Variants in MYT1L observed in about 807,000 individuals in gnomAD.
MYT1L encodes the protein myelin transcription factor 1-like protein.
MYT1L carries 12 observed loss-of-function variants against 126.7 expected under a neutral mutation model. That is an observed-to-expected ratio of 0.09 (90% CI 0.06 to 0.15). MYT1L has a LOEUF of 0.15. MYT1L is among the 10% of genes least tolerant of loss of function. MYT1L has a pLI of 1.00. For synonymous variants in MYT1L, 541 were observed against 604.2 expected (o/e 0.90, Z 1.53); for missense variants, 979 against 1,585.2 (o/e 0.62, Z 6.49).
intron 3 of MYT1L, among the ~76,000 whole-genome samples, chr2:2,118,336 T>A (rs967131921): frequency 1.3e-5 from 2 of 152,282 alleles, no homozygotes; most frequent in South Asian, 2.1e-4. Context: ...ATAAAACAAC[T>A]GAGATAATCC....
chr2:2,098,876 GTGGGGTC>G, intron 3 of MYT1L, among the ~76,000 whole-genome samples: 1 of 152,178 alleles, frequency 6.6e-6, no homozygotes, highest in African/African-American at 2.4e-5. Flanking sequence ...AAGATAGGTG[GTGGGGTC>G]TGCAGTGACC....
At chr2:2,175,049 T>C (rs972485654) in intron 2 of MYT1L, among the ~76,000 whole-genome samples, 11 of 152,210 alleles carry the variant, frequency 7.2e-5, no homozygotes, top group Middle Eastern at 3.4e-3. Context: ...CTCCTTTCTA[T>C]GTGTGTTGTA....
At chr2:2,214,479 GA>G (rs938406497) in intron 2 of MYT1L, among the ~76,000 whole-genome samples, 29 of 151,898 alleles carry the variant, frequency 1.9e-4, no homozygotes, top group African/African-American at 6.3e-4. Context: ...AGATAATAGG[GA>G]AAAAAAGGTG....
intron 1 of MYT1L, among the ~76,000 whole-genome samples, chr2:2,315,283 C>T (rs1434986461): frequency 6.6e-6 from 1 of 151,908 alleles, no homozygotes; most frequent in Non-Finnish European, 1.5e-5. Context: ...TACAGACATT[C>T]AGTAAATAAG....
chr2:2,216,059 C>T (rs1405365013), intron 2 of MYT1L, among the ~76,000 whole-genome samples: 1 of 95,012 alleles, frequency 1.1e-5, no homozygotes, highest in African/African-American at 4.8e-5. Context: ...CTCTCTCTCT[C>T]TCTCTCAGTT....
At chr2:2,249,261 C>A (rs116376878) in intron 2 of MYT1L, among the ~76,000 whole-genome samples, 1 of 151,686 alleles carries the variant, frequency 6.6e-6, no homozygotes, top group African/African-American at 2.4e-5. Flanking sequence ...GAAAAGTAAT[C>A]CCACTCACTG....
chr2:2,105,823 T>C (rs778765254), intron 3 of MYT1L, among the ~76,000 whole-genome samples: 15 of 152,178 alleles, frequency 9.9e-5, no homozygotes, highest in Non-Finnish European at 2.1e-4. Context: ...TGAAACAGCA[T>C]GGAATCAAAA....
rs7425544 is a variant in MYT1L at position 1,840,880 on chromosome 2, C to G, written c.2775-37G>C. ...ACACATTTCAGAAAGCACCCCACACCGTTGATTTCAGTGAGCTTTCTTTCT... is the reference window on the plus strand; with the variant it reads ...ACACATTTCAGAAAGCACCCCACACGGTTGATTTCAGTGAGCTTTCTTTCT... On this transcript the variant is annotated intron_variant, in intron 19 of 24. Transcript: ENST00000647738. The G allele has an allele frequency of 2.3e-5, 29 of 1,241,704 alleles. No homozygotes were observed. The East Asian group carries it at 5.2e-4, about 22-fold the overall frequency. The allele number at this position is 1,241,704 out of a possible 1,614,324, so 76.9% of individuals were successfully genotyped here.
At chr2:1,810,537 G>A (rs546336235) in intron 21 of MYT1L, among the ~76,000 whole-genome samples, 21 of 152,278 alleles carry the variant, frequency 1.4e-4, no homozygotes, top group Admixed American at 5.2e-4. Flanking sequence ...GACCGTGTCC[G>A]TAAGTGGTGT....
chr2:1,808,846 T>C (rs754882895), intron 22 of MYT1L, among the ~76,000 whole-genome samples: 4 of 152,182 alleles, frequency 2.6e-5, no homozygotes, highest in Non-Finnish European at 5.9e-5. Flanking sequence ...CCTCAGGACT[T>C]GGGCTCATGA....
At chr2:2,323,243 C>T (rs542340899) in intron 1 of MYT1L, among the ~76,000 whole-genome samples, 20 of 152,010 alleles carry the variant, frequency 1.3e-4, no homozygotes, top group Middle Eastern at 3.4e-3. Context: ...ATTTTCCCCT[C>T]CCCCCAAAAG....
chr2:2,172,013 A>C (rs1287563524), intron 3 of MYT1L, among the ~76,000 whole-genome samples: 3 of 152,198 alleles, frequency 2.0e-5, no homozygotes, highest in Non-Finnish European at 4.4e-5. Context: ...TCTGCTATTC[A>C]TCAGAGTAAC....
Position 1,886,590 on chromosome 2 carries a change from A to AG in MYT1L, c.2659dup (p.Leu887ProfsTer25). 1.9e-6 allele frequency: 3 copies of AG among 1,583,396 alleles called. No homozygotes were observed. The highest frequency in any genetic ancestry group is 2.3e-5 in the East Asian group (1 of 42,828). On this transcript the variant is annotated frameshift_variant, in exon 18 of 25. Coordinates refer to ENST00000647738, the MANE Select transcript of MYT1L (RefSeq NM_001303052.2). LOFTEE classifies it high-confidence loss of function. The stretch of plus-strand genomic sequence containing the variant: ...CATACTTCGAATGCTTTTGTCCGCC[A>AG]GGGGGCAGCCAGACAGACTGTAAGA...
chr2:1,796,936 T>A (rs2033660872), intron 23 of MYT1L, among the ~76,000 whole-genome samples: 2 of 150,670 alleles, frequency 1.3e-5, no homozygotes, highest in African/African-American at 4.8e-5. Flanking sequence ...GGCAGTTTTG[T>A]TTTTTTCCGG....
intron 9 of MYT1L, among the ~76,000 whole-genome samples, chr2:1,925,044 T>A (rs1276097246): frequency 6.6e-6 from 1 of 152,156 alleles, no homozygotes; most frequent in African/African-American, 2.4e-5. Flanking sequence ...AGGTAAGTTT[T>A]AACAGCCAGA....
intron 21 of MYT1L, among the ~76,000 whole-genome samples, chr2:1,835,732 G>T (rs1235033557): frequency 6.6e-6 from 1 of 152,172 alleles, no homozygotes; most frequent in Non-Finnish European, 1.5e-5. Context: ...ACACAGGGAG[G>T]TCCCCTTTCC....
chr2:2,017,905 T>C (rs2064602201), intron 4 of MYT1L, among the ~76,000 whole-genome samples: 1 of 152,210 alleles, frequency 6.6e-6, no homozygotes, highest in South Asian at 2.1e-4. Context: ...GTTGTTTTTA[T>C]TTAAGTACCT....
At chr2:2,321,619 A>T (rs567440643) in intron 1 of MYT1L, among the ~76,000 whole-genome samples, 1 of 152,148 alleles carries the variant, frequency 6.6e-6, no homozygotes, top group South Asian at 2.1e-4. Flanking sequence ...CACACTATGC[A>T]TTTAGGTTGA....
Position 1,839,232 on chromosome 2 carries a change from C to A in MYT1L, c.2997G>T (p.Ser999=). ...GGCAGGACATGCCTTCCGTCTTGAC[C>A]GACTTCCAGGAGAACTGGGAGCCAT... ...YLNGSQFSWK[S]VKTEGMSCPT... The change falls in exon 21 of 25, where the codon TCG becomes TCT. Residue 999 remains serine, a synonymous_variant. Transcript: ENST00000647738. 6.2e-7 allele frequency: 1 copy of A among 1,613,724 alleles called. No individual in the cohort carries two copies. Among genetic ancestry groups the A allele is most frequent in the Non-Finnish European group, 8.5e-7 (1 of 1,179,888 alleles).
Sources: allele counts gnomAD v4.1 joint callset (sites outside exome capture counted in the v4.1 genomes callset), GRCh38; gene constraint gnomAD v4.1.1; transcripts MANE v1.5; gene names NCBI Gene and HGNC (gene_info 2026-07-23, HGNC 2026-07-21).